The following AUTS2 variants were observed in gnomAD, a reference collection of about 807,000 sequenced individuals.
AUTS2 encodes activator of transcription and developmental regulator AUTS2, also known as autism susceptibility gene 2 protein.
AUTS2 carries 17 observed loss-of-function variants against 112.4 expected under a neutral mutation model. The ratio of observed to expected loss-of-function variants is 0.15; its 90% CI spans 0.10 to 0.23. The LOEUF is 0.23. AUTS2 is among the 10% of genes least tolerant of loss of function. The pLI is 1.00. For synonymous variants in AUTS2, 751 were observed against 702.7 expected, an observed-to-expected ratio of 1.07 and a Z score of -1.09; for missense variants, 1,510 against 1,701.6, an observed-to-expected ratio of 0.89 and a Z score of 1.98.
intron 5 of AUTS2, among the ~76,000 whole-genome samples, chr7:70,479,973 C>G (rs964167234): frequency 6.6e-6 from 1 of 152,200 alleles, no homozygotes; most frequent in African/African-American, 2.4e-5. Flanking sequence ...AAGCACTGTG[C>G]TAAACACAGA....
rs569169164 is a variant in AUTS2, at chr7:69,946,891, C to T, written c.522+47393C>T. Among the ~76,000 whole-genome samples, 8 of 152,238 alleles carry T rather than the reference C, an allele frequency of 5.3e-5. No individual in the cohort carries two copies. The South Asian group carries it at 8.3e-4, about 16-fold the overall frequency. The stretch of plus-strand genomic sequence containing the variant: ...GGTAGATTTCTGGTGAATTATCAGC[C>T]GCCCCTCTTGCCTTGTGAGGCAAGG... On this transcript the variant is annotated intron_variant, in intron 2 of 18. Coordinates refer to ENST00000342771, the MANE Select transcript of AUTS2 (RefSeq NM_015570.4).
intron 5 of AUTS2, among the ~76,000 whole-genome samples, chr7:70,477,200 T>G (rs1007747417): frequency 6.6e-6 from 1 of 152,210 alleles, no homozygotes; most frequent in African/African-American, 2.4e-5. Context: ...AATCAGTAGT[T>G]ACTCACCTTT....
chr7:70,504,091 A>G (rs1452733532), intron 5 of AUTS2, among the ~76,000 whole-genome samples: 1 of 134,890 alleles, frequency 7.4e-6, no homozygotes, highest in Non-Finnish European at 1.7e-5. Flanking sequence ...ATAATACTTT[A>G]TAGTGAGACA....
intron 1 of AUTS2, among the ~76,000 whole-genome samples, chr7:69,623,179 A>G (rs1465795033): frequency 1.3e-5 from 2 of 152,060 alleles, no homozygotes; most frequent in Non-Finnish European, 2.9e-5. Flanking sequence ...ACTAAACATT[A>G]ATCCCTGCTC....
intron 1 of AUTS2, among the ~76,000 whole-genome samples, chr7:69,770,440 A>G (rs759871527): frequency 2.6e-5 from 4 of 152,150 alleles, no homozygotes; most frequent in Non-Finnish European, 4.4e-5. Context: ...CCAGAGAGGC[A>G]GGTGGAGGCG....
chr7:70,098,197 C>T (rs2129568902), intron 2 of AUTS2, among the ~76,000 whole-genome samples: 1 of 151,962 alleles, frequency 6.6e-6, no homozygotes, highest in East Asian at 1.9e-4. Flanking sequence ...CATTAGAAGC[C>T]CAGTGGTTTG....
chr7:69,867,701 G>A (rs991362901), intron 1 of AUTS2, among the ~76,000 whole-genome samples: 1 of 152,068 alleles, frequency 6.6e-6, no homozygotes, highest in South Asian at 2.1e-4. Flanking sequence ...TAACTTAAGA[G>A]TGCGTGGCAA....
chr7:70,472,688 C>T (rs1339929607), intron 5 of AUTS2, among the ~76,000 whole-genome samples: 1 of 152,154 alleles, frequency 6.6e-6, no homozygotes, highest in African/African-American at 2.4e-5. Flanking sequence ...CACTCGTCTG[C>T]ATTTTTAGGG....
chr7:69,767,767 A>G (rs1263272725), intron 1 of AUTS2, among the ~76,000 whole-genome samples: 2 of 152,182 alleles, frequency 1.3e-5, no homozygotes, highest in Non-Finnish European at 2.9e-5. Context: ...TAAGCTGTCT[A>G]GTAAGGTTTA....
intron 5 of AUTS2, among the ~76,000 whole-genome samples, chr7:70,510,600 T>G (rs1488583474): frequency 6.6e-6 from 1 of 152,178 alleles, no homozygotes; most frequent in East Asian, 1.9e-4. Context: ...AAATACATGG[T>G]GGGGTTTGCC....
rs1157324211 is a variant in AUTS2, at chr7:70,429,087, A to G, written c.661-6665A>G. 2.6e-5 allele frequency among the ~76,000 whole-genome samples: 4 copies of G among 152,356 alleles called. No individual in the cohort carries two copies. The East Asian group carries it at 7.7e-4, about 29-fold the overall frequency. ...TTAACCTCCCTCAGTATGTTCACAC[A>G]TACATCTCTTTGCGTTAAGCAGTCA... On this transcript the variant is annotated intron_variant, in intron 4 of 18. Transcript: ENST00000342771.
Position 70,766,373 on chromosome 7 carries a change from A to G in AUTS2, c.1689+39A>G. On this transcript the variant is annotated intron_variant, in intron 9 of 18. Transcript: ENST00000342771. This position sits in a 1 kb window ranked among gnomAD's most constrained non-coding sequence, Gnocchi z 4.8. ...GCAGAAATGTGAGGATAAGTAGAGC[A>G]CGACTCTTTTCTTTATGCAGCACGT... is the stretch of plus-strand genomic sequence containing the variant. The G allele has an allele frequency of 1.2e-6, 2 of 1,608,102 alleles. No homozygotes were observed. Among genetic ancestry groups the G allele is most frequent in the South Asian group, 1.1e-5 (1 of 90,794 alleles).
intron 1 of AUTS2, among the ~76,000 whole-genome samples, chr7:69,811,176 G>A (rs768847449): frequency 1.2e-4 from 19 of 152,110 alleles, no homozygotes; most frequent in Admixed American, 4.6e-4. Context: ...AATCTGAAGG[G>A]CCTTATGGGA....
At position 69,872,834 on chromosome 7, in the gene AUTS2, C is replaced by CTTTTTTTTTTTTTTTTTTT. The variant is rs1164356683; in HGVS notation, c.310-26444_310-26426dup. ...GGTGGCACTTGATGTAGCCTATATT[C>CTTTTTTTTTTTTTTTTTTT]TTTTTTTTTTTTTTTTTTTTTTTTT... On this transcript the variant is annotated intron_variant, in intron 1 of 18. Coordinates refer to ENST00000342771, the MANE Select transcript of AUTS2 (RefSeq NM_015570.4). 4.3e-4 allele frequency among the ~76,000 whole-genome samples: 30 copies of CTTTTTTTTTTTTTTTTTTT among 70,422 alleles called. 4 individuals carry two copies. Among genetic ancestry groups the CTTTTTTTTTTTTTTTTTTT allele is most frequent in the African/African-American group, 1.0e-3 (16 of 16,056 alleles). The allele number at this position is 70,422 out of a possible 152,430, so 46.2% of individuals were successfully genotyped here.
chr7:69,917,741 A>G (rs1386111376), intron 2 of AUTS2, among the ~76,000 whole-genome samples: 1 of 152,154 alleles, frequency 6.6e-6, no homozygotes, highest in East Asian at 1.9e-4. Flanking sequence ...GCTCCCACTT[A>G]TAAGTGAGAA....
intron 1 of AUTS2, among the ~76,000 whole-genome samples, chr7:69,682,999 A>T (rs940332808): frequency 2.0e-5 from 3 of 152,244 alleles, no homozygotes; most frequent in Non-Finnish European, 4.4e-5. Context: ...TAAGGAGCGG[A>T]AAGTTTAATA....
chr7:70,088,115 C>T (rs552736961), intron 2 of AUTS2, among the ~76,000 whole-genome samples: 1 of 150,186 alleles, frequency 6.7e-6, no homozygotes, highest in South Asian at 2.1e-4. Context: ...CTTTTGGTTT[C>T]ATTCATATTT....
rs189369158 is a variant in AUTS2, at chr7:70,040,566, C to T, written c.523-77566C>T. 2.6e-3 allele frequency among the ~76,000 whole-genome samples: 383 copies of T among 149,862 alleles called. 3 individuals carry two copies. The highest frequency in any genetic ancestry group is 9.1e-3 in the African/African-American group (361 of 39,588). On this transcript the variant is annotated intron_variant, in intron 2 of 18. Coordinates refer to ENST00000342771, the MANE Select transcript of AUTS2 (RefSeq NM_015570.4). Reference sequence around the variant, plus strand: ...GTTTTTACAGGGAGGTTTCACTGGCCTATTAGGGCATGTTGGCTTGGTGGT... The same window carrying T: ...GTTTTTACAGGGAGGTTTCACTGGCTTATTAGGGCATGTTGGCTTGGTGGT...
chr7:70,790,425 C>G lies in AUTS2; in HGVS notation c.3209C>G (p.Pro1070Arg), dbSNP rs374055596. The change falls in exon 19 of 19, where the codon CCC becomes CGC. Residue 1070 changes from proline (P) to arginine (R), a missense_variant. Physicochemically the swap from Pro to Arg is moderately radical, Grantham distance 103 (BLOSUM62 -2). Around this residue, in one of 3 missense-constraint regions of AUTS2, gnomAD observed 788 missense variants for 797.6 expected, o/e 0.99. Coordinates refer to ENST00000342771, the MANE Select transcript of AUTS2 (RefSeq NM_015570.4). This position sits in a 1 kb window ranked among gnomAD's most constrained non-coding sequence, Gnocchi z 7.6. Reference sequence around the variant, plus strand: ...CCGTACCCTTCTTTCCACTGGGACCCCATCCGGGACCCCTTGAGGGATCCT... The same window carrying G: ...CCGTACCCTTCTTTCCACTGGGACCGCATCCGGGACCCCTTGAGGGATCCT... ...RFPYPSFHWD[P>R]IRDPLRDPYR... is the part of the protein sequence containing the mutation. The G allele has an allele frequency of 1.9e-6, 3 of 1,612,730 alleles. No individual in the cohort carries two copies. In the African/African-American group the frequency reaches 4.0e-5, roughly 22 times the overall value.
Sources: allele counts gnomAD v4.1 joint callset (sites outside exome capture counted in the v4.1 genomes callset), GRCh38; gene constraint gnomAD v4.1.1; regional missense constraint gnomAD v4.1.1; non-coding constraint Gnocchi (gnomAD v3.1); transcripts MANE v1.5; gene names NCBI Gene and HGNC (gene_info 2026-07-23, HGNC 2026-07-21).